The following MAP3K15 variants were observed in gnomAD, a reference collection of about 807,000 sequenced individuals.
MAP3K15 encodes MAPK/ERK kinase kinase 15.
Under a neutral mutation model 99.5 loss-of-function variants are expected in MAP3K15, and 124 were observed. That is an observed-to-expected ratio of 1.25 (90% CI 1.08 to 1.45). MAP3K15 has a LOEUF of 1.45. Among genes scored for constraint, MAP3K15 ranks in the 40% most tolerant of loss-of-function variants. MAP3K15 has a pLI of 0.00. For missense variants in MAP3K15, 1,242 were observed against 1,079.7 expected, an observed-to-expected ratio of 1.15 and a Z score of -2.11; for synonymous variants, 494 against 439.6, an observed-to-expected ratio of 1.12 and a Z score of -1.55.
Position 19,395,150 on chromosome X carries a change from T to TA in MAP3K15, c.2124dup (p.Ile709TyrfsTer15), listed in dbSNP as rs1569209453. 1 of 1,208,806 alleles carries TA rather than the reference T, an allele frequency of 8.3e-7. No individual in the cohort carries two copies. Among genetic ancestry groups the TA allele is most frequent in the Non-Finnish European group, 1.1e-6 (1 of 893,710 alleles). On this transcript the variant is annotated frameshift_variant, in exon 16 of 29. Transcript: ENST00000338883. LOFTEE classifies it high-confidence loss of function. ...GAAACAGAGCCCAGGTACTGAACGATATTGCGGTGCTTAAGGTACTTGTGC... is the reference window on the plus strand; with the variant it reads ...GAAACAGAGCCCAGGTACTGAACGATAATTGCGGTGCTTAAGGTACTTGTGC...
At chrX:19,444,820 C>A (rs2063983801) in intron 6 of MAP3K15, among the ~76,000 whole-genome samples, 1 of 111,474 alleles carries the variant, frequency 9.0e-6, no homozygotes, top group Non-Finnish European at 1.9e-5. Context: ...CCCACAAGGG[C>A]AGTAGGTGCG....
intron 6 of MAP3K15, among the ~76,000 whole-genome samples, chrX:19,440,267 GT>G (rs1348041229): frequency 8.9e-6 from 1 of 111,890 alleles, no homozygotes; most frequent in Non-Finnish European, 1.9e-5. Context: ...TCTATCACCT[GT>G]GTAACCAATT....
rs765400854 is a variant in MAP3K15, at chrX:19,434,224, GTTTT to G, written c.996-2620_996-2617del. ...ATTCTTTTTAATTTCTTGGTAATAG[GTTTT>G]TTTTGTTTTTTTTTTGAGATGGAGT... On this transcript the variant is annotated intron_variant, in intron 6 of 28. Transcript: ENST00000338883. 5.8e-3 allele frequency among the ~76,000 whole-genome samples: 601 copies of G among 103,948 alleles called. 9 individuals carry two copies. The highest frequency in any genetic ancestry group is 0.021 in the African/African-American group (565 of 26,401). The allele number at this position is 103,948 out of a possible 115,157, so 90.3% of individuals were successfully genotyped here.
At chrX:19,506,036 G>A (rs942439289) in intron 1 of MAP3K15, among the ~76,000 whole-genome samples, 4 of 111,094 alleles carry the variant, frequency 3.6e-5, no homozygotes, top group Non-Finnish European at 5.7e-5. Context: ...GAGTTCAAGC[G>A]ATTCTCCTGC....
chrX:19,363,285 G>A (rs944398241), intron 25 of MAP3K15, among the ~76,000 whole-genome samples: 4 of 112,075 alleles, frequency 3.6e-5, no homozygotes, highest in East Asian at 2.8e-4. Flanking sequence ...GACACACCGC[G>A]AGAAGATGGC....
intron 6 of MAP3K15, among the ~76,000 whole-genome samples, chrX:19,436,893 G>A (rs2063926273): frequency 9.0e-6 from 1 of 111,452 alleles, no homozygotes; most frequent in African/African-American, 3.3e-5. Flanking sequence ...GACCAGGGTG[G>A]TCTTGAACTC....
At chrX:19,396,789 G>C (rs2098388364) in intron 15 of MAP3K15, among the ~76,000 whole-genome samples, 2 of 111,854 alleles carry the variant, frequency 1.8e-5, no homozygotes, top group African/African-American at 6.5e-5. Context: ...GCTGTGGTCT[G>C]ACACACCTGT....
chrX:19,384,552 C>A, intron 18 of MAP3K15, among the ~76,000 whole-genome samples: 1 of 108,120 alleles, frequency 9.2e-6, no homozygotes, highest in East Asian at 2.9e-4. Flanking sequence ...CCAGCCTGGG[C>A]AACACAGCGA....
At chrX:19,395,814 C>T (rs2063564100) in intron 15 of MAP3K15, among the ~76,000 whole-genome samples, 1 of 112,256 alleles carries the variant, frequency 8.9e-6, no homozygotes, top group Non-Finnish European at 1.9e-5. Context: ...TTTCAAAGAT[C>T]AGTTCAGGCT....
rs1261834797 is a variant in MAP3K15 at position 19,470,469 on chromosome X, T to G, written c.526-6063A>C. 3.7e-5 allele frequency among the ~76,000 whole-genome samples: 4 copies of G among 107,788 alleles called. No individual in the cohort carries two copies. The East Asian group carries it at 1.2e-3, about 32-fold the overall frequency. 93.6% of individuals were successfully genotyped at this position (107,788 alleles called of 115,157 possible). A position where few individuals can be genotyped will look rare whatever the true frequency, so the allele number is the denominator to read the frequency against. On this transcript the variant is annotated intron_variant, in intron 3 of 28. Coordinates refer to ENST00000338883, the MANE Select transcript of MAP3K15 (RefSeq NM_001001671.4). The stretch of plus-strand genomic sequence containing the variant: ...TAATGCTAAATGACGAGTTAATAGG[T>G]GCAGCACACCAACATGGCAAATGTA...
Position 19,497,236 on chromosome X carries a change from A to T in MAP3K15, c.362-8269T>A, listed in dbSNP as rs969409430. On this transcript the variant is annotated intron_variant, in intron 1 of 28. Coordinates refer to ENST00000338883, the MANE Select transcript of MAP3K15 (RefSeq NM_001001671.4). ...GAGTGCAGTGGCATGATCTCGGCTC[A>T]CTGCAACCTCTGCCTCCCACGTTCA... 9 of 104,724 alleles carry T rather than the reference A, an allele frequency of 8.6e-5. No homozygotes were observed. In the Admixed American group the frequency reaches 9.5e-4, roughly 11 times the overall value. 8.6% of individuals were successfully genotyped at this position (104,724 alleles called of 1,213,427 possible).
rs758065092 is a variant in MAP3K15, at chrX:19,413,375, A to G, written c.1680T>C (p.His560=). 17 of 1,199,802 alleles carry G rather than the reference A, an allele frequency of 1.4e-5. No individual in the cohort carries two copies. Among genetic ancestry groups the G allele is most frequent in the Non-Finnish European group, 1.9e-5 (17 of 888,345 alleles). ...TCCTTACCATTTCTGTGGGTGAGAC[A>G]TGCCATAAAGAAACTGTTCTCTCCT... ...EAEERTVSLW[H]VSPTEMKQMH... The change falls in exon 11 of 29, where the codon CAT becomes CAC. Residue 560 remains histidine, a synonymous_variant. Coordinates refer to ENST00000338883, the MANE Select transcript of MAP3K15 (RefSeq NM_001001671.4).
chrX:19,498,730 G>A (rs1168120147), intron 1 of MAP3K15, among the ~76,000 whole-genome samples: 2 of 112,021 alleles, frequency 1.8e-5, no homozygotes, highest in African/African-American at 6.5e-5. Context: ...GGGCAAGACT[G>A]GCATCCCACG....
Position 19,413,365 on chromosome X carries a change from T to A in MAP3K15, c.1690A>T (p.Thr564Ser). 1.7e-6 allele frequency: 2 copies of A among 1,194,273 alleles called. No individual in the cohort carries two copies. The highest frequency in any genetic ancestry group is 6.0e-5 in the East Asian group (2 of 33,556). The change falls in exon 11 of 29, where the codon ACA becomes TCA. Residue 564 changes from threonine (T) to serine (S), a missense_variant. Physicochemically the swap from Thr to Ser is moderately conservative, Grantham distance 58 (BLOSUM62 1). Transcript: ENST00000338883. Reference sequence around the variant, plus strand: ...TGATTTTTCCTCCTTACCATTTCTGTGGGTGAGACATGCCATAAAGAAACT... The same window carrying A: ...TGATTTTTCCTCCTTACCATTTCTGAGGGTGAGACATGCCATAAAGAAACT... ...RTVSLWHVSP[T>S]EMKQMHEWNF...
At chrX:19,472,708 T>G (rs778990698) in intron 3 of MAP3K15, among the ~76,000 whole-genome samples, 1 of 112,371 alleles carries the variant, frequency 8.9e-6, no homozygotes, top group Non-Finnish European at 1.9e-5. Flanking sequence ...TAAATAACCC[T>G]GAGCTTCTGT....
At chrX:19,447,372 G>A (rs1602316313) in intron 6 of MAP3K15, among the ~76,000 whole-genome samples, 1 of 111,565 alleles carries the variant, frequency 9.0e-6, no homozygotes, top group South Asian at 3.8e-4. Flanking sequence ...CTTCAACACA[G>A]GCATAAACGT....
intron 24 of MAP3K15, among the ~76,000 whole-genome samples, chrX:19,370,419 G>A (rs993492474): frequency 7.3e-5 from 8 of 109,447 alleles, no homozygotes; most frequent in Non-Finnish European, 1.9e-5. Flanking sequence ...TTATTGAGAC[G>A]GAATCTCACT....
At chrX:19,423,413 T>G (rs960937921) in intron 9 of MAP3K15, among the ~76,000 whole-genome samples, 4 of 109,864 alleles carry the variant, frequency 3.6e-5, no homozygotes, top group Non-Finnish European at 7.6e-5. Flanking sequence ...CTAGGTAGAT[T>G]TTGATGTTAT....
At chrX:19,397,637 C>T (rs1292537978) in intron 15 of MAP3K15, among the ~76,000 whole-genome samples, 3 of 111,247 alleles carry the variant, frequency 2.7e-5, no homozygotes, top group Non-Finnish European at 5.7e-5. Context: ...TATTTGCAAA[C>T]AACTACGCAA....
Sources: allele counts gnomAD v4.1 joint callset (sites outside exome capture counted in the v4.1 genomes callset), GRCh38; gene constraint gnomAD v4.1.1; transcripts MANE v1.5; gene names NCBI Gene and HGNC (gene_info 2026-07-23, HGNC 2026-07-21).